Variants in ARFRP1 observed in about 807,000 individuals in gnomAD.
ARFRP1 encodes the protein ADP-ribosylation factor-related protein 1.
In ARFRP1, 19 loss-of-function variants were observed where a neutral mutation model predicts 30.3. The ratio of observed to expected loss-of-function variants is 0.63; its 90% CI spans 0.44 to 0.92. The LOEUF (loss-of-function observed/expected upper bound fraction) is 0.92. ARFRP1 is among the 40% of genes least tolerant of loss of function. The probability of loss-of-function intolerance (pLI) is 0.00; values close to 1 mark genes in which losing one functional copy is unlikely to be tolerated. For missense variants in ARFRP1, 245 were observed against 267.5 expected (o/e 0.92, Z 0.59); for synonymous variants, 133 against 114.2 (o/e 1.16, Z -1.05).
chr20:63,706,291 G>A lies in ARFRP1; in HGVS notation c.264+66C>T, dbSNP rs553206884. ...GAAAACTGCTGAGGAAGGGCCCAAA[G>A]GGCACTCTGGAAAGAAGTGGCACTG... On this transcript the variant is annotated intron_variant, in intron 4 of 7. Transcript: ENST00000622789. 1.3e-4 allele frequency: 186 copies of A among 1,464,562 alleles called. 1 individual carries two copies. In the African/African-American group the frequency reaches 2.3e-3, roughly 18 times the overall value. 90.7% of individuals were successfully genotyped at this position (1,464,562 alleles called of 1,614,324 possible). A position where few individuals can be genotyped will look rare whatever the true frequency, so the allele number is the denominator to read the frequency against.
intron 4 of ARFRP1, chr20:63,703,030 G>T (rs1011343592): frequency 1.3e-5 from 2 of 152,278 alleles, no homozygotes; most frequent in African/African-American, 4.8e-5. Context: ...CCCTGGACCA[G>T]ATGAGTGCAC....
chr20:63,698,781 G>GC lies in ARFRP1; in HGVS notation c.*1661dup, dbSNP rs1377946134. The GC allele has an allele frequency of 2.0e-6, 1 of 495,964 alleles. No homozygotes were observed. The allele number at this position is 495,964 out of a possible 1,614,324, so 30.7% of individuals were successfully genotyped here. A position where few individuals can be genotyped will look rare whatever the true frequency, so the allele number is the denominator to read the frequency against. On this transcript the variant is annotated 3_prime_UTR_variant, in exon 8 of 8. Transcript: ENST00000622789. ...CAGGCTGCCTGCCATCAGAACTGCT[G>GC]CCCGGGGCTTCCCCTACCTCAGACA... is the stretch of plus-strand genomic sequence containing the variant.
rs541890693 is a variant in ARFRP1 at position 63,699,114 on chromosome 20, A to T, written c.*1329T>A. 2.0e-5 allele frequency: 3 copies of T among 152,084 alleles called. No individual in the cohort carries two copies. Among genetic ancestry groups the T allele is most frequent in the Admixed American group, 2.0e-4 (3 of 15,274 alleles). 9.4% of individuals were successfully genotyped at this position (152,084 alleles called of 1,614,324 possible). On this transcript the variant is annotated 3_prime_UTR_variant, in exon 8 of 8. Transcript: ENST00000622789. The stretch of plus-strand genomic sequence containing the variant: ...CTGGGGCAGGCTCTGAAGCCTCCCG[A>T]TGCACCCAGAGCAACCGGGGGGCTG...
intron 6 of ARFRP1, 132 bp from the exon 7 acceptor site, chr20:63,700,834 C>T: frequency 1.6e-6 from 2 of 1,264,786 alleles, no homozygotes; most frequent in Non-Finnish European, 2.2e-6. Flanking sequence ...GTCCCAGTGT[C>T]TCCCACAGAG....
chr20:63,706,637 A>C lies in ARFRP1; in HGVS notation c.181+14T>G. On this transcript the variant is annotated intron_variant, in intron 3 of 7. Transcript: ENST00000622789. ...CAAGGCCCCAAACCCACAGCCTGCTATTGAGACCCTTACTGTTTAGGCCCA... is the reference window on the plus strand; with the variant it reads ...CAAGGCCCCAAACCCACAGCCTGCTCTTGAGACCCTTACTGTTTAGGCCCA... 6.3e-7 allele frequency: 1 copy of C among 1,592,414 alleles called. No homozygotes were observed. The highest frequency in any genetic ancestry group is 8.6e-7 in the Non-Finnish European group (1 of 1,160,292).
chr20:63,701,688 G>A (rs2091212266), intron 6 of ARFRP1, 142 bp downstream of exon 6: 1 of 748,128 alleles, frequency 1.3e-6, no homozygotes, highest in African/African-American at 1.7e-5. Context: ...AAGCTGCTGG[G>A]GGCAGGGCAG....
Position 63,700,418 on chromosome 20 carries a change from C to T in ARFRP1, c.*25G>A, listed in dbSNP as rs1441068260. On this transcript the variant is annotated 3_prime_UTR_variant, in exon 8 of 8. Coordinates refer to ENST00000622789, the MANE Select transcript of ARFRP1 (RefSeq NM_001267547.3). ...ACTCCTCCAGCACCAGGGGACCAGC[C>T]GTCCCGACGGCAGCGCGGCTGCGCC... The T allele has an allele frequency of 1.7e-5, 27 of 1,604,314 alleles. No homozygotes were observed. Among genetic ancestry groups the T allele is most frequent in the African/African-American group, 1.2e-4 (9 of 74,860 alleles).
intron 4 of ARFRP1, chr20:63,706,030 C>CCG (rs1293030854): frequency 2.5e-4 from 91 of 364,628 alleles, no homozygotes; most frequent in African/African-American, 1.8e-3. Flanking sequence ...CTGAGGATGC[C>CCG]GCACTCTGTC....
In ARFRP1 at chr20:63,700,694, G is replaced by A; in HGVS notation, c.426C>T (p.Leu142=). 6.2e-7 allele frequency: 1 copy of A among 1,610,820 alleles called. No individual in the cohort carries two copies. Among genetic ancestry groups the A allele is most frequent in the South Asian group, 1.1e-5 (1 of 90,998 alleles). Residue 142 remains leucine, a synonymous_variant, in exon 7 of 8, where the codon CTC becomes CTT. Coordinates refer to ENST00000622789, the MANE Select transcript of ARFRP1 (RefSeq NM_001267547.3). ...LANKQDVETC[L]SIPDIKTAFS... ...AGGCCGTCTTGATGTCAGGGATTGA[G>A]AGGCACGTCTGGGGGAGGTAAGGCC... is the stretch of plus-strand genomic sequence containing the variant.
intron 4 of ARFRP1, 112 bp from the exon 5 acceptor site, chr20:63,702,329 G>A (rs1262302441): frequency 1.9e-6 from 2 of 1,031,360 alleles, no homozygotes; most frequent in East Asian, 2.6e-5. Flanking sequence ...GGGGCAAGAG[G>A]GCAGCCCCCA....
chr20:63,700,645 C>T lies in ARFRP1; in HGVS notation c.475G>A (p.Gly159Ser), dbSNP rs765959484. 12 of 1,610,748 alleles carry T rather than the reference C, an allele frequency of 7.4e-6. No homozygotes were observed. Among genetic ancestry groups the T allele is most frequent in the Admixed American group, 1.7e-5 (1 of 59,986 alleles). The change falls in exon 7 of 8, where the codon GGC becomes AGC. Residue 159 changes from glycine to serine, a missense_variant. By Grantham distance (56) the Gly-to-Ser change is moderately conservative. Coordinates refer to ENST00000622789, the MANE Select transcript of ARFRP1 (RefSeq NM_001267547.3). ...GCCTGGGTCAGGCAATCTCGCCTGC[C>T]GATCTTGCTGGTGCAGTCGCTGAAG... The part of the protein sequence containing the change: ...TAFSDCTSKI[G>S]RRDCLTQACS...
At position 63,705,359 on chromosome 20, in the gene ARFRP1, C is replaced by T. The variant is rs73319719; in HGVS notation, c.264+998G>A. 1,725 of 196,798 alleles carry T rather than the reference C, an allele frequency of 8.8e-3. 26 individuals carry two copies. The highest frequency in any genetic ancestry group is 0.036 in the African/African-American group (1,547 of 42,984). The allele number at this position is 196,798 out of a possible 1,614,324, so 12.2% of individuals were successfully genotyped here. A position where few individuals can be genotyped will look rare whatever the true frequency, so the allele number is the denominator to read the frequency against. ...AGCTCTAGAGATGGCATCAGGGCAG[C>T]CAAGGCACTGGGGACACCCCACACC... On this transcript the variant is annotated intron_variant, in intron 4 of 7. Transcript: ENST00000622789.
chr20:63,704,484 A>G (rs571012696), intron 4 of ARFRP1: 1 of 152,330 alleles, frequency 6.6e-6, no homozygotes, highest in Admixed American at 6.5e-5. Flanking sequence ...CACTGGCCCC[A>G]CCACGGTGGT....
intron 1 of ARFRP1, chr20:63,707,342 C>A: frequency 2.1e-6 from 1 of 465,518 alleles, no homozygotes; most frequent in South Asian, 2.8e-5. Context: ...TCCGGCCCCT[C>A]CCCTGCTCGC....
intron 3 of ARFRP1, 94 bp downstream of exon 3, chr20:63,706,557 G>A: frequency 3.3e-6 from 5 of 1,509,416 alleles, no homozygotes; most frequent in South Asian, 1.1e-5. Flanking sequence ...ACTTGAGAGG[G>A]GCCCGACAGG....
Position 63,700,240 on chromosome 20 carries a change from GGGCTGCCA to G in ARFRP1, c.*195_*202del. 6.8e-6 allele frequency: 5 copies of G among 737,202 alleles called. No homozygotes were observed. Among genetic ancestry groups the G allele is most frequent in the Non-Finnish European group, 8.6e-6 (4 of 466,070 alleles). 45.7% of individuals were successfully genotyped at this position (737,202 alleles called of 1,614,324 possible). A position where few individuals can be genotyped will look rare whatever the true frequency, so the allele number is the denominator to read the frequency against. On this transcript the variant is annotated 3_prime_UTR_variant, in exon 8 of 8. Coordinates refer to ENST00000622789, the MANE Select transcript of ARFRP1 (RefSeq NM_001267547.3). Reference sequence around the variant, plus strand: ...TGCCGCTGCAGGGCCTGGGCCAGCCGGGCTGCCAGACTCCCCTCCAAAGCCTCCGGATG... The same window carrying G: ...TGCCGCTGCAGGGCCTGGGCCAGCCGGACTCCCCTCCAAAGCCTCCGGATG...
chr20:63,707,158 T>G, intron 1 of ARFRP1, 61 bp from the exon 2 acceptor site: 1 of 1,455,648 alleles, frequency 6.9e-7, no homozygotes, highest in Non-Finnish European at 9.4e-7. Flanking sequence ...CCCGGGCTTC[T>G]CCACGGTGGT....
chr20:63,702,285 T>G, intron 4 of ARFRP1, 68 bp from the exon 5 acceptor site: 2 of 1,454,830 alleles, frequency 1.4e-6, no homozygotes, highest in Non-Finnish European at 1.9e-6. Context: ...GCCAGGCCTG[T>G]GTCATGGCCA....
intron 4 of ARFRP1, 88 bp from the exon 5 acceptor site, chr20:63,702,305 G>C: frequency 7.7e-7 from 1 of 1,292,946 alleles, no homozygotes; most frequent in African/African-American, 1.5e-5. Context: ...ACAGTGAGGG[G>C]CTCACATGAG....
Sources: gnomAD v4.1 joint callset for allele counts on GRCh38, gnomAD v4.1.1 for gene constraint, MANE v1.5 for transcripts, NCBI Gene and HGNC (gene_info 2026-07-23, HGNC 2026-07-21) for gene names.